The following ZFHX3 variants were observed in gnomAD, a reference collection of about 807,000 sequenced individuals.
The protein encoded by ZFHX3 is zinc finger homeobox protein 3.
Under a neutral mutation model 279.1 loss-of-function variants are expected in ZFHX3, and 42 were observed. The ratio of observed to expected loss-of-function variants is 0.15; its 90% confidence interval spans 0.12 to 0.19. ZFHX3 has a LOEUF of 0.19. Ranked by LOEUF, ZFHX3 falls within the 10% of genes least tolerant of loss-of-function variation. ZFHX3 has a pLI of 1.00. For missense variants in ZFHX3, 4,981 were observed against 4,754.0 expected (o/e 1.05, Z -1.40); for synonymous variants, 2,293 against 1,957.8 (o/e 1.17, Z -4.52).
chr16:73,097,718 A>G (rs1323985831), intron 7 of ZFHX3, among the ~76,000 whole-genome samples: 4 of 152,064 alleles, frequency 2.6e-5, no homozygotes, highest in African/African-American at 9.7e-5. Context: ...AATAAGTCCT[A>G]TTCCCTCTTT....
At chr16:73,290,319 T>C (rs2014736794) in intron 4 of ZFHX3, among the ~76,000 whole-genome samples, 3 of 152,050 alleles carry the variant, frequency 2.0e-5, no homozygotes, top group Admixed American at 1.3e-4. Context: ...TGGAAGCTCA[T>C]CTGGGAGGTC....
chr16:73,001,303 G>T (rs1402372817), intron 1 of ZFHX3, among the ~76,000 whole-genome samples: 1 of 152,174 alleles, frequency 6.6e-6, no homozygotes, highest in Non-Finnish European at 1.5e-5. Context: ...TGTGAGCACA[G>T]ATTTCAGTCT....
chr16:72,986,865 G>A (rs1322231624), intron 1 of ZFHX3, among the ~76,000 whole-genome samples: 1 of 152,176 alleles, frequency 6.6e-6, no homozygotes. Flanking sequence ...ATAGAACCCA[G>A]CCAGGTGCAG....
rs571516365 is a variant in ZFHX3 at position 73,284,685 on chromosome 16, A to G, written c.-1193-27549T>C. Among the ~76,000 whole-genome samples the G allele has an allele frequency of 6.6e-5, 10 of 152,334 alleles. No individual in the cohort carries two copies. The South Asian group carries it at 2.1e-3, about 32-fold the overall frequency. ...TGCTTTTGTTTTTTGCAATGGTCACATAGTATTCCACTGCACAGATGTACC... is the reference window on the plus strand; with the variant it reads ...TGCTTTTGTTTTTTGCAATGGTCACGTAGTATTCCACTGCACAGATGTACC... On this transcript the variant is annotated intron_variant, in intron 4 of 17. Transcript: ENST00000641206.
intron 3 of ZFHX3, among the ~76,000 whole-genome samples, chr16:72,922,368 C>T (rs1262616735): frequency 6.6e-6 from 1 of 152,194 alleles, no homozygotes; most frequent in Non-Finnish European, 1.5e-5. Flanking sequence ...AGACAAACAA[C>T]CTTCCCTTTG....
At chr16:73,680,335 G>C (rs1394078213) in intron 1 of ZFHX3, 1 of 152,124 alleles carries the variant, frequency 6.6e-6, no homozygotes, top group Non-Finnish European at 1.5e-5. Context: ...GTGTGTGCTT[G>C]GCTAAAAATA....
chr16:73,428,043 A>G (rs1250579912), intron 3 of ZFHX3, among the ~76,000 whole-genome samples: 1 of 152,116 alleles, frequency 6.6e-6, no homozygotes, highest in Non-Finnish European at 1.5e-5. Context: ...GCATGCACAC[A>G]CGTAGACACA....
chr16:72,932,620 T>TC (rs1345903324), intron 3 of ZFHX3, among the ~76,000 whole-genome samples: 1 of 141,718 alleles, frequency 7.1e-6, no homozygotes, highest in East Asian at 2.1e-4. Flanking sequence ...TCATAATCTC[T>TC]CTTCAGGGAA....
chr16:72,954,896 G>A (rs1256709596), intron 2 of ZFHX3, among the ~76,000 whole-genome samples: 1 of 152,182 alleles, frequency 6.6e-6, no homozygotes, highest in African/African-American at 2.4e-5. Flanking sequence ...TTGTAAAGAG[G>A]AGTGTATTTC....
intron 4 of ZFHX3, among the ~76,000 whole-genome samples, chr16:72,845,747 C>G (rs959999066): frequency 6.6e-6 from 1 of 152,128 alleles, no homozygotes; most frequent in Non-Finnish European, 1.5e-5. Context: ...TCACAAAAAC[C>G]AATACCACGC....
intron 1 of ZFHX3, among the ~76,000 whole-genome samples, chr16:73,775,349 G>A (rs183808026): frequency 6.6e-4 from 100 of 152,172 alleles, no homozygotes; most frequent in African/African-American, 2.3e-3. Flanking sequence ...TTATATAAGC[G>A]CATCGTTTCA....
intron 4 of ZFHX3, among the ~76,000 whole-genome samples, chr16:73,266,633 T>C (rs2013984281): frequency 6.6e-6 from 1 of 152,206 alleles, no homozygotes; most frequent in Non-Finnish European, 1.5e-5. Context: ...CCAAATCTCA[T>C]CTTGAATTGT....
At chr16:72,865,327 C>G (rs1222607799) in intron 4 of ZFHX3, among the ~76,000 whole-genome samples, 2 of 152,220 alleles carry the variant, frequency 1.3e-5, no homozygotes, top group African/African-American at 4.8e-5. Context: ...AAGGTGCCAT[C>G]CACTAGCCCA....
chr16:72,907,985 T>TG (rs1651220137), intron 3 of ZFHX3, among the ~76,000 whole-genome samples: 1 of 152,008 alleles, frequency 6.6e-6, no homozygotes, highest in African/African-American at 2.4e-5. Context: ...GCCCAGCCCC[T>TG]GCTCCTCCAA....
chr16:73,113,692 T>C (rs1966402500), intron 7 of ZFHX3, among the ~76,000 whole-genome samples: 1 of 152,138 alleles, frequency 6.6e-6, no homozygotes, highest in African/African-American at 2.4e-5. Context: ...ATGGCGGGTC[T>C]TGGTTCCTAC....
At chr16:73,404,728 G>A (rs1232631844) in intron 3 of ZFHX3, among the ~76,000 whole-genome samples, 2 of 152,158 alleles carry the variant, frequency 1.3e-5, no homozygotes, top group Non-Finnish European at 2.9e-5. Flanking sequence ...AAGTCTCTGA[G>A]TTCAGGATGT....
In ZFHX3 at chr16:73,290,914, C is replaced by A. The variant is rs977406774; in HGVS notation, c.-1194+27326G>T. Among the ~76,000 whole-genome samples the A allele has an allele frequency of 3.3e-5, 5 of 152,128 alleles. No homozygotes were observed. The East Asian group carries it at 9.6e-4, about 29-fold the overall frequency. On this transcript the variant is annotated intron_variant, in intron 4 of 17. Coordinates refer to the ZFHX3 transcript ENST00000641206. The stretch of plus-strand genomic sequence containing the variant: ...ATCTTTTGGGAGCAAATGGGAAATG[C>A]AGAACATAGAGAACTAGAAAACATG...
intron 3 of ZFHX3, among the ~76,000 whole-genome samples, chr16:73,417,936 C>G (rs1301667358): frequency 7.5e-6 from 1 of 133,274 alleles, no homozygotes; most frequent in Non-Finnish European, 1.5e-5. Context: ...TTGCAGTGAG[C>G]TGAGATCGCG....
chr16:73,283,102 T>A (rs1312426347), intron 4 of ZFHX3, among the ~76,000 whole-genome samples: 1 of 152,180 alleles, frequency 6.6e-6, no homozygotes, highest in Non-Finnish European at 1.5e-5. Flanking sequence ...ACTGCTCAAC[T>A]CTCAACTTCT....
Sources: gnomAD v4.1 joint callset for allele counts (sites outside exome capture counted in the v4.1 genomes callset) on GRCh38, gnomAD v4.1.1 for gene constraint, MANE v1.5 for transcripts, NCBI Gene and HGNC (gene_info 2026-07-23, HGNC 2026-07-21) for gene names.